The following TTC39C variants were observed in gnomAD, a reference collection of about 807,000 sequenced individuals.
TTC39C encodes the protein tetratricopeptide repeat domain 39C, also known as tetratricopeptide repeat protein 39C.
TTC39C carries 33 observed loss-of-function variants against 76.3 expected under a neutral mutation model. That is an observed-to-expected ratio of 0.43 (90% CI 0.33 to 0.58). The LOEUF (loss-of-function observed/expected upper bound fraction) is 0.58. Ranked by LOEUF, TTC39C falls within the 20% of genes least tolerant of loss-of-function variation. TTC39C has a pLI of 0.04. For synonymous variants in TTC39C, 254 were observed against 260.6 expected, an observed-to-expected ratio of 0.97 and a Z score of 0.24; for missense variants, 595 against 701.4, an observed-to-expected ratio of 0.85 and a Z score of 1.71.
chr18:24,118,303 G>A (rs776485611), intron 8 of TTC39C, 71 bp downstream of exon 8: 22 of 1,231,224 alleles, frequency 1.8e-5, no homozygotes, highest in Admixed American at 4.0e-5. Flanking sequence ...GGGCAGATGG[G>A]AGAATGATGG....
At chr18:24,081,652 T>C (rs2084376453) in intron 5 of TTC39C, among the ~76,000 whole-genome samples, 1 of 152,212 alleles carries the variant, frequency 6.6e-6, no homozygotes. Context: ...AATGTTGATA[T>C]CATAGAGGAC....
At chr18:24,015,235 G>A in intron 1 of TTC39C, 197 bp downstream of exon 1, 1 of 489,836 alleles carries the variant, frequency 2.0e-6, no homozygotes, top group Non-Finnish European at 3.4e-6. Context: ...CCTACCCCCG[G>A]CTCCGTTGTC....
chr18:24,049,467 C>G (rs1312407528), intron 1 of TTC39C, among the ~76,000 whole-genome samples: 2 of 152,198 alleles, frequency 1.3e-5, no homozygotes. Context: ...CCCTCACTCA[C>G]TCATTCACTC....
chr18:24,018,335 C>T (rs2083478800), intron 1 of TTC39C, among the ~76,000 whole-genome samples: 1 of 152,172 alleles, frequency 6.6e-6, no homozygotes, highest in African/African-American at 2.4e-5. Flanking sequence ...AGTTCCTGAT[C>T]TTGGTCTTAG....
upstream of TTC39C, chr18:24,014,377 G>A (rs2083419133): frequency 6.5e-6 from 1 of 152,904 alleles, no homozygotes; most frequent in South Asian, 2.1e-4. Flanking sequence ...CCGACTCCTG[G>A]GTCCGGCCCC....
intron 9 of TTC39C, among the ~76,000 whole-genome samples, chr18:24,124,653 G>T (rs986755872): frequency 1.3e-5 from 2 of 152,126 alleles, no homozygotes; most frequent in Non-Finnish European, 2.9e-5. Context: ...TTTATTGAAT[G>T]AACATTTAAT....
intron 6 of TTC39C, among the ~76,000 whole-genome samples, chr18:24,092,199 A>G (rs763076088): frequency 6.6e-6 from 1 of 151,894 alleles, no homozygotes; most frequent in Non-Finnish European, 1.5e-5. Context: ...TCACTAAGGA[A>G]ACAAATCAAA....
chr18:24,015,320 C>T, intron 1 of TTC39C: 1 of 312,048 alleles, frequency 3.2e-6, no homozygotes, highest in South Asian at 9.3e-5. Flanking sequence ...CCAGCCTCGC[C>T]CTCCCACAGA....
chr18:24,031,122 CTT>C (rs74423704), intron 1 of TTC39C, among the ~76,000 whole-genome samples: 13 of 139,708 alleles, frequency 9.3e-5, no homozygotes, highest in African/African-American at 1.8e-4. Context: ...ACCTTTTTTA[CTT>C]TTTTTTTTTT....
At chr18:24,118,810 G>A (rs575552544) in intron 8 of TTC39C, among the ~76,000 whole-genome samples, 2 of 151,754 alleles carry the variant, frequency 1.3e-5, no homozygotes, top group Non-Finnish European at 1.5e-5. Flanking sequence ...GCCCTACCAC[G>A]CCCAGCCAAT....
At chr18:24,053,481 C>T (rs1166255199) in intron 1 of TTC39C, among the ~76,000 whole-genome samples, 1 of 152,152 alleles carries the variant, frequency 6.6e-6, no homozygotes, top group Non-Finnish European at 1.5e-5. Flanking sequence ...AACAGATATT[C>T]CTTTCTCTGT....
chr18:24,043,405 A>G (rs1003810074), intron 1 of TTC39C, among the ~76,000 whole-genome samples: 1 of 151,974 alleles, frequency 6.6e-6, no homozygotes, highest in Non-Finnish European at 1.5e-5. Flanking sequence ...TTTTTTCCCT[A>G]CCCCTCCTTT....
intron 7 of TTC39C, among the ~76,000 whole-genome samples, chr18:24,116,829 T>TTG (rs2084898830): frequency 6.8e-6 from 1 of 146,242 alleles, no homozygotes; most frequent in Non-Finnish European, 1.5e-5. Context: ...GTTTTTTTTT[T>TTG]TTTTTTTTTT....
At chr18:24,096,419 T>G (rs1320566948) in intron 6 of TTC39C, among the ~76,000 whole-genome samples, 1 of 152,232 alleles carries the variant, frequency 6.6e-6, no homozygotes, top group Non-Finnish European at 1.5e-5. Context: ...ACTTTGAACA[T>G]TCAGACATAT....
At position 24,051,889 on chromosome 18, in the gene TTC39C, T is replaced by C. The variant is rs2083955245; in HGVS notation, c.168-12251T>C. 2.6e-5 allele frequency among the ~76,000 whole-genome samples: 4 copies of C among 152,144 alleles called. No homozygotes were observed. In the South Asian group the frequency reaches 8.3e-4, roughly 32 times the overall value. The stretch of plus-strand genomic sequence containing the variant: ...GGTTGGTTGGTTCACTAAACAGGCA[T>C]GTACTGGGGACCTGTTAAACTCCAG... On this transcript the variant is annotated intron_variant, in intron 1 of 13. Coordinates refer to ENST00000317571, the MANE Select transcript of TTC39C (RefSeq NM_001135993.2).
At chr18:24,027,156 G>A (rs1241965701) in intron 1 of TTC39C, among the ~76,000 whole-genome samples, 2 of 152,092 alleles carry the variant, frequency 1.3e-5, no homozygotes, top group African/African-American at 2.4e-5. Context: ...GCCGAGCGTG[G>A]TGGTGGGTGC....
intron 6 of TTC39C, among the ~76,000 whole-genome samples, chr18:24,091,716 A>G (rs1223778666): frequency 1.3e-5 from 2 of 152,238 alleles, no homozygotes; most frequent in Non-Finnish European, 2.9e-5. Context: ...TTTGCAAGTT[A>G]TATATCTGAT....
intron 1 of TTC39C, among the ~76,000 whole-genome samples, chr18:24,044,185 T>A (rs2083834664): frequency 6.6e-6 from 1 of 151,914 alleles, no homozygotes; most frequent in Admixed American, 6.6e-5. Context: ...AGAGAGGACA[T>A]CATGGAAAAA....
intron 4 of TTC39C, among the ~76,000 whole-genome samples, chr18:24,079,658 T>C (rs530389684): frequency 6.6e-6 from 1 of 152,334 alleles, no homozygotes; most frequent in Admixed American, 6.5e-5. Flanking sequence ...TTGGGAGGTC[T>C]TTACATTTTG....
Sources: gnomAD v4.1 joint callset for allele counts (sites outside exome capture counted in the v4.1 genomes callset) on GRCh38, gnomAD v4.1.1 for gene constraint, MANE v1.5 for transcripts, NCBI Gene and HGNC (gene_info 2026-07-23, HGNC 2026-07-21) for gene names.